The following TIA1 variants were observed in gnomAD, a reference collection of about 807,000 sequenced individuals.
TIA1 encodes TIA1 cytotoxic granule associated RNA binding protein, also known as cytotoxic granule associated RNA binding protein TIA1.
A neutral mutation model predicts 65.9 loss-of-function variants in TIA1; 23 were observed. That is an observed-to-expected ratio of 0.35 (90% CI 0.25 to 0.49). The LOEUF is 0.49. TIA1 is among the 20% of genes least tolerant of loss of function. The probability of loss-of-function intolerance (pLI) is 0.98; values close to 1 mark genes in which losing one functional copy is unlikely to be tolerated. For synonymous variants in TIA1, 147 were observed against 149.4 expected (o/e 0.98, Z 0.12); for missense variants, 371 against 477.9 (o/e 0.78, Z 2.09).
chr2:70,246,507 T>C (rs1334252017), intron 1 of TIA1, among the ~76,000 whole-genome samples: 1 of 152,184 alleles, frequency 6.6e-6, no homozygotes, highest in Non-Finnish European at 1.5e-5. Context: ...ACTTTTACAG[T>C]ATGACTACTT....
intron 7 of TIA1, among the ~76,000 whole-genome samples, chr2:70,218,639 T>TA (rs1205596072): frequency 6.6e-6 from 1 of 152,188 alleles, no homozygotes; most frequent in African/African-American, 2.4e-5. Flanking sequence ...TTCACCGTGT[T>TA]AGACAGGATG....
At chr2:70,225,079 CCTAAA>C (rs1410069282) in intron 6 of TIA1, 12 of 993,700 alleles carry the variant, frequency 1.2e-5, no homozygotes, top group South Asian at 3.8e-5. Flanking sequence ...TTGTATATTC[CCTAAA>C]CTAATTAAAC....
At chr2:70,225,248 G>T in intron 6 of TIA1, 1 of 1,141,186 alleles carries the variant, frequency 8.8e-7, no homozygotes, top group Non-Finnish European at 1.1e-6. Context: ...TTTTATAATA[G>T]CATTCATATA....
chr2:70,213,215 C>A (rs190062319), intron 12 of TIA1, among the ~76,000 whole-genome samples: 12 of 152,124 alleles, frequency 7.9e-5, no homozygotes, highest in African/African-American at 2.4e-4. Context: ...GAAACCACTA[C>A]CTGAAAGAGT....
chr2:70,221,385 G>A (rs930025660), intron 7 of TIA1, among the ~76,000 whole-genome samples: 1 of 151,968 alleles, frequency 6.6e-6, no homozygotes, highest in Non-Finnish European at 1.5e-5. Context: ...CAGGAGGATG[G>A]ATTGAGGCCA....
rs569499835 is a variant in TIA1, at chr2:70,210,354, T to A, written c.*2365A>T. The A allele has an allele frequency of 2.0e-5, 3 of 152,348 alleles. No individual in the cohort carries two copies. The highest frequency in any genetic ancestry group is 1.3e-4 in the Admixed American group (2 of 15,298). 9.4% of individuals were successfully genotyped at this position (152,348 alleles called of 1,614,324 possible). A position where few individuals can be genotyped will look rare whatever the true frequency, so the allele number is the denominator to read the frequency against. On this transcript the variant is annotated 3_prime_UTR_variant, in exon 13 of 13. Coordinates refer to ENST00000433529, the MANE Select transcript of TIA1 (RefSeq NM_022173.4). ...CATATTGCAGAGAATGAAACCATTTTAAAAACTTTAATTTCCTTACCTGAT... is the reference window on the plus strand; with the variant it reads ...CATATTGCAGAGAATGAAACCATTTAAAAAACTTTAATTTCCTTACCTGAT...
At chr2:70,231,627 A>C (rs1686345894) in intron 2 of TIA1, among the ~76,000 whole-genome samples, 1 of 152,166 alleles carries the variant, frequency 6.6e-6, no homozygotes, top group East Asian at 1.9e-4. Context: ...ATTAAGTTTG[A>C]CTGAACTCCT....
chr2:70,230,997 A>C, intron 2 of TIA1, 143 bp from the exon 3 acceptor site: 1 of 582,862 alleles, frequency 1.7e-6, no homozygotes, highest in Non-Finnish European at 3.0e-6. Flanking sequence ...TCCACAAGTA[A>C]ATTTTAGATT....
chr2:70,232,208 CAA>C (rs11427986), intron 2 of TIA1, among the ~76,000 whole-genome samples: 6 of 63,900 alleles, frequency 9.4e-5, no homozygotes, highest in East Asian at 4.1e-4. Flanking sequence ...GACTCTGTCT[CAA>C]AAAAAAAAAA....
intron 3 of TIA1, among the ~76,000 whole-genome samples, 190 bp downstream of exon 3, chr2:70,230,566 C>T (rs1249923937): frequency 6.6e-6 from 1 of 150,378 alleles, no homozygotes; most frequent in Non-Finnish European, 1.5e-5. Context: ...GCAGGAGAAT[C>T]ACTTGAACCC....
chr2:70,244,574 G>A (rs1043857981), intron 1 of TIA1, among the ~76,000 whole-genome samples: 3 of 151,976 alleles, frequency 2.0e-5, no homozygotes, highest in African/African-American at 4.8e-5. Context: ...TCTGATTGTC[G>A]CCTGTAATCC....
chr2:70,238,881 G>A (rs943026029), intron 1 of TIA1, among the ~76,000 whole-genome samples: 2 of 151,808 alleles, frequency 1.3e-5, no homozygotes, highest in East Asian at 1.9e-4. Context: ...CGAGACCCCC[G>A]TCTCTACAAA....
intron 1 of TIA1, among the ~76,000 whole-genome samples, chr2:70,242,399 G>C (rs916671751): frequency 6.7e-6 from 1 of 149,794 alleles, no homozygotes; most frequent in African/African-American, 2.5e-5. Context: ...AAGTGTGATG[G>C]TGGGCGAGAG....
chr2:70,230,912 A>C, intron 2 of TIA1, 58 bp from the exon 3 acceptor site: 1 of 1,379,910 alleles, frequency 7.2e-7, no homozygotes, highest in Non-Finnish European at 1.0e-6. Context: ...TTACCTTAAA[A>C]TTATGTAAAA....
Position 70,209,731 on chromosome 2 carries a change from T to A in TIA1, c.*2988A>T, listed in dbSNP as rs1676008659. 2 of 398,300 alleles carry A rather than the reference T, an allele frequency of 5.0e-6. No individual in the cohort carries two copies. The highest frequency in any genetic ancestry group is 8.9e-6 in the Non-Finnish European group (2 of 225,918). The allele number at this position is 398,300 out of a possible 1,614,324, so 24.7% of individuals were successfully genotyped here. On this transcript the variant is annotated 3_prime_UTR_variant, in exon 13 of 13. Transcript: ENST00000433529. ...CATTATTTGAGAGAAAAAAACTGAT[T>A]TTTTTTAAAGAAATCATCACTCTCA... is the stretch of plus-strand genomic sequence containing the variant.
At chr2:70,232,543 A>C (rs1234111510) in intron 2 of TIA1, among the ~76,000 whole-genome samples, 1 of 43,494 alleles carries the variant, frequency 2.3e-5, no homozygotes, top group South Asian at 6.3e-4. Context: ...TCTGTCTCAA[A>C]AAAAAAAAAA....
chr2:70,248,636 G>T, upstream of TIA1: 1 of 674,772 alleles, frequency 1.5e-6, no homozygotes, highest in Admixed American at 2.7e-5. Flanking sequence ...GGCGAGCCGG[G>T]AGCCTAGGAG....
Position 70,212,832 on chromosome 2 carries a change from A to C in TIA1, c.1048T>G (p.Ser350Ala). ...TAATTTGGTCCCATCCATGGTGCAGAAGACTGTGTCTGACTGGTGGAGAAT... is the reference window on the plus strand; with the variant it reads ...TAATTTGGTCCCATCCATGGTGCAGCAGACTGTGTCTGACTGGTGGAGAAT... ...NQQGFNQTQS[S>A]APWMGPNYGV... The change falls in exon 13 of 13, where the codon TCT becomes GCT. Residue 350 changes from serine to alanine, a missense_variant. Ser to Ala is a moderately conservative substitution (Grantham distance 99). Coordinates refer to ENST00000433529, the MANE Select transcript of TIA1 (RefSeq NM_022173.4). The C allele has an allele frequency of 6.2e-7, 1 of 1,613,752 alleles. No individual in the cohort carries two copies. The highest frequency in any genetic ancestry group is 8.5e-7 in the Non-Finnish European group (1 of 1,179,660).
At chr2:70,223,281 TTAATAG>T (rs1364609765) in intron 7 of TIA1, among the ~76,000 whole-genome samples, 1 of 152,194 alleles carries the variant, frequency 6.6e-6, no homozygotes, top group African/African-American at 2.4e-5. Flanking sequence ...TATGCTATGC[TTAATAG>T]TAAAGTTTTG....
Sources: allele counts gnomAD v4.1 joint callset (sites outside exome capture counted in the v4.1 genomes callset), GRCh38; gene constraint gnomAD v4.1.1; transcripts MANE v1.5; gene names NCBI Gene and HGNC (gene_info 2026-07-23, HGNC 2026-07-21).